Variants in ABCA3 observed in about 807,000 individuals in gnomAD.
ABCA3 encodes ATP binding cassette subfamily A member 3, also known as phospholipid-transporting ATPase ABCA3.
ABCA3 carries 88 observed loss-of-function variants against 172.8 expected under a neutral mutation model. The observed-to-expected ratio is 0.51, with a 90% CI of 0.43 to 0.61. The LOEUF (loss-of-function observed/expected upper bound fraction) is 0.61, where lower values mean the gene tolerates loss of function less well. Among genes scored for constraint, ABCA3 ranks in the 20% least tolerant of loss-of-function variants. The probability of loss-of-function intolerance (pLI) is 0.00; values close to 1 mark genes in which losing one functional copy is unlikely to be tolerated. For missense variants in ABCA3, 2,164 were observed against 2,301.0 expected, an observed-to-expected ratio of 0.94 and a Z score of 1.22; for synonymous variants, 1,066 against 983.8, an observed-to-expected ratio of 1.08 and a Z score of -1.56.
At position 2,322,067 on chromosome 16, in the gene ABCA3, G is replaced by A. The variant is rs28627247; in HGVS notation, c.613+1456C>T. On this transcript the variant is annotated intron_variant, in intron 7 of 32. Transcript: ENST00000301732. ...ACAAAAATTAGCTGGGCGTGGTGGT[G>A]TGCGCCTGTAATCCCAGCTACTTGG... is the stretch of plus-strand genomic sequence containing the variant. Among the ~76,000 whole-genome samples the A allele has an allele frequency of 5.4e-3, 822 of 152,082 alleles. 7 individuals are homozygous for A. The highest frequency in any genetic ancestry group is 0.019 in the African/African-American group (783 of 41,488).
intron 19 of ABCA3, among the ~76,000 whole-genome samples, chr16:2,290,413 A>C (rs111369591): frequency 7.9e-5 from 12 of 152,202 alleles, no homozygotes; most frequent in African/African-American, 2.2e-4. Flanking sequence ...AGGAGCTCAG[A>C]GAGGCCAGGG....
rs368234990 is a variant in ABCA3 at position 2,323,557 on chromosome 16, T to C, written c.579A>G (p.Pro193=). The change falls in exon 7 of 33, where the codon CCA becomes CCG. Residue 193 remains proline (P), a synonymous_variant. Transcript: ENST00000301732. ...CGCCATCAGGGGATGTAGGTTCCCT[T>C]GGTCCTGGGTTTGGGAAAAGCGGGA... ...SLFPLFPNPG[P]REPTSPDGGE... 2.5e-6 allele frequency: 4 copies of C among 1,614,024 alleles called. No homozygotes were observed. Among genetic ancestry groups the C allele is most frequent in the Non-Finnish European group, 2.5e-6 (3 of 1,180,028 alleles).
At chr16:2,282,155 C>T (rs924210605) in intron 26 of ABCA3, among the ~76,000 whole-genome samples, 2 of 152,180 alleles carry the variant, frequency 1.3e-5, no homozygotes, top group African/African-American at 2.4e-5. Flanking sequence ...GGCTGGGATG[C>T]AATGGTGTAA....
Position 2,302,650 on chromosome 16 carries a change from A to T in ABCA3, c.1467+1319T>A, listed in dbSNP as rs912600535. 3.2e-4 allele frequency among the ~76,000 whole-genome samples: 48 copies of T among 151,624 alleles called. No homozygotes were observed. In the East Asian group the frequency reaches 9.1e-3, roughly 29 times the overall value. The stretch of plus-strand genomic sequence containing the variant: ...ATGTGCCGCCTGGCTAATTTTTTAA[A>T]TTTTTTATTTATTTTGTAGAGATGG... On this transcript the variant is annotated intron_variant, in intron 12 of 32. Transcript: ENST00000301732.
rs750303167 is a variant in ABCA3, at chr16:2,297,721, G to T, written c.2052+45C>A. The T allele has an allele frequency of 1.2e-6, 2 of 1,604,454 alleles. No individual in the cohort carries two copies. Among genetic ancestry groups the T allele is most frequent in the East Asian group, 4.5e-5 (2 of 44,818 alleles). On this transcript the variant is annotated intron_variant, in intron 16 of 32. Coordinates refer to ENST00000301732, the MANE Select transcript of ABCA3 (RefSeq NM_001089.3). The surrounding 1 kb of genome is among the most constrained non-coding windows in gnomAD (Gnocchi z 5.6). ...GGCCATGGCGGAAGGGCCATCCCAG[G>T]TCGAGCAGGAGGGGAACCCACTGCC...
At chr16:2,337,798 A>T (rs1359873684) in intron 1 of ABCA3, among the ~76,000 whole-genome samples, 1 of 152,224 alleles carries the variant, frequency 6.6e-6, no homozygotes, top group Non-Finnish European at 1.5e-5. Flanking sequence ...TGGCACTGGC[A>T]TCGCAGGCCC....
In ABCA3 at chr16:2,317,791, G is replaced by A. The variant is rs556169763; in HGVS notation, c.874-27C>T. 5.0e-6 allele frequency: 8 copies of A among 1,606,618 alleles called. No homozygotes were observed. In the African/African-American group the frequency reaches 6.7e-5, roughly 13 times the overall value. ...TGGGGAGAGAAGCCATCACGCTGCT[G>A]GGGGCCCGTCACTGCCCGCCATGAT... is the stretch of plus-strand genomic sequence containing the variant. On this transcript the variant is annotated intron_variant, in intron 8 of 32. Transcript: ENST00000301732.
At chr16:2,304,777 G>A (rs1159181515) in intron 11 of ABCA3, among the ~76,000 whole-genome samples, 28 of 150,702 alleles carry the variant, frequency 1.9e-4, no homozygotes, top group Admixed American at 1.7e-3. Flanking sequence ...CCGGGTTCAC[G>A]CCATTCTCCT....
intron 18 of ABCA3, 80 bp from the exon 19 acceptor site, chr16:2,292,318 G>A (rs575069897): frequency 2.3e-5 from 29 of 1,278,090 alleles, no homozygotes; most frequent in African/African-American, 2.9e-5. Flanking sequence ...ACCCCCCCTC[G>A]GCCAGGCACA....
In ABCA3 at chr16:2,286,856, T is replaced by C. The variant is rs1567339116; in HGVS notation, c.3116A>G (p.Asn1039Ser). ...FRDVGERTVV[N>S]ALFNNQAYHS... The stretch of plus-strand genomic sequence containing the variant: ...GTACGCCTGGTTGTTGAACAAGGCG[T>C]TGACGACCGTGCGCTCTCCCACATC... Residue 1039 changes from asparagine to serine, a missense_variant, in exon 22 of 33, where the codon AAC becomes AGC. Physicochemically the swap from Asn to Ser is conservative, Grantham distance 46 (BLOSUM62 1). Coordinates refer to ENST00000301732, the MANE Select transcript of ABCA3 (RefSeq NM_001089.3). The surrounding 1 kb of genome is among the most constrained non-coding windows in gnomAD (Gnocchi z 5.2). 1 of 1,614,048 alleles carries C rather than the reference T, an allele frequency of 6.2e-7. No homozygotes were observed. The highest frequency in any genetic ancestry group is 1.7e-5 in the Admixed American group (1 of 60,016).
Position 2,285,018 on chromosome 16 carries a change from C to T in ABCA3, c.3484-20G>A, listed in dbSNP as rs751657200. The stretch of plus-strand genomic sequence containing the variant: ...CACCACCTGCGGCGGCACAGGGAGG[C>T]GCTGCTGTGCATGCCAAGCTGAGAG... On this transcript the variant is annotated intron_variant, in intron 23 of 32. Transcript: ENST00000301732. This position sits in a 1 kb window ranked among gnomAD's most constrained non-coding sequence, Gnocchi z 4.7. 1.1e-5 allele frequency: 17 copies of T among 1,608,702 alleles called. No homozygotes were observed. The highest frequency in any genetic ancestry group is 1.7e-5 in the Admixed American group (1 of 59,466).
rs901788737 is a variant in ABCA3, at chr16:2,286,307, G to A, written c.3278+387C>T. 3.9e-4 allele frequency among the ~76,000 whole-genome samples: 60 copies of A among 152,322 alleles called. No homozygotes were observed. The highest frequency in any genetic ancestry group is 1.4e-3 in the African/African-American group (58 of 41,564). On this transcript the variant is annotated intron_variant, in intron 22 of 32. Transcript: ENST00000301732. This position sits in a 1 kb window ranked among gnomAD's most constrained non-coding sequence, Gnocchi z 5.2. ...GTGCGGCCATCTGAGGAACAGGGACGGCAGTTCTTGCCAAGTCCTGCTCTG... is the reference window on the plus strand; with the variant it reads ...GTGCGGCCATCTGAGGAACAGGGACAGCAGTTCTTGCCAAGTCCTGCTCTG...
chr16:2,333,837 C>T (rs549696913), intron 1 of ABCA3, among the ~76,000 whole-genome samples: 3 of 152,000 alleles, frequency 2.0e-5, no homozygotes, highest in South Asian at 2.1e-4. Context: ...TACAGGCGTG[C>T]GCCACCATGC....
intron 10 of ABCA3, among the ~76,000 whole-genome samples, chr16:2,311,146 G>T (rs1219528811): frequency 6.6e-6 from 1 of 151,784 alleles, no homozygotes; most frequent in African/African-American, 2.4e-5. Context: ...GCTAATTTTT[G>T]TATTTTTAGT....
intron 17 of ABCA3, 114 bp from the exon 18 acceptor site, chr16:2,295,854 A>C: frequency 1.4e-6 from 2 of 1,426,512 alleles, no homozygotes; most frequent in Non-Finnish European, 1.9e-6. Flanking sequence ...AGGCTAGAGA[A>C]CCGGAGGTGG....
intron 26 of ABCA3, among the ~76,000 whole-genome samples, chr16:2,282,207 C>G (rs898550203): frequency 6.6e-6 from 1 of 152,224 alleles, no homozygotes; most frequent in African/African-American, 2.4e-5. Flanking sequence ...CTTAAGCCTC[C>G]TGTCTCAGCT....
intron 7 of ABCA3, among the ~76,000 whole-genome samples, chr16:2,321,691 A>G (rs1381006171): frequency 6.6e-6 from 1 of 152,082 alleles, no homozygotes; most frequent in Admixed American, 6.6e-5. Flanking sequence ...ACACGTACCA[A>G]CCACCTGCCC....
Position 2,278,144 on chromosome 16 carries a change from C to T in ABCA3, c.4719-75G>A, listed in dbSNP as rs759034095. The stretch of plus-strand genomic sequence containing the variant: ...TGCAGACAGGAAGGCATTGGCTCTC[C>T]GATCAGGCTGTTCCTGATACCCATG... On this transcript the variant is annotated intron_variant, in intron 30 of 32. Coordinates refer to ENST00000301732, the MANE Select transcript of ABCA3 (RefSeq NM_001089.3). The surrounding 1 kb of genome is among the most constrained non-coding windows in gnomAD (Gnocchi z 4.4). 78 of 1,602,488 alleles carry T rather than the reference C, an allele frequency of 4.9e-5. No individual in the cohort carries two copies. The East Asian group carries it at 6.7e-4, about 14-fold the overall frequency.
chr16:2,319,694 G>A lies in ABCA3; in HGVS notation c.760C>T (p.Pro254Ser), dbSNP rs1810722941. 6.2e-7 allele frequency: 1 copy of A among 1,613,914 alleles called. No homozygotes were observed. Among genetic ancestry groups the A allele is most frequent in the Non-Finnish European group, 8.5e-7 (1 of 1,180,022 alleles). ...RFPYPPFIAD[P>S]FLVAIQYQLP... ...TGGTACTGGATGGCCACGAGGAAGG[G>A]GTCTGCGATGAACGGCGGGTACGGG... The change falls in exon 8 of 33, where the codon CCC (proline) becomes TCC (serine). Residue 254 changes from proline (P) to serine (S), a missense_variant. Physicochemically the swap from Pro to Ser is moderately conservative, Grantham distance 74 (BLOSUM62 -1). This residue lies in a region of ABCA3 where 1,343 missense variants were observed against 1,369.6 expected (regional missense o/e 0.98). Coordinates refer to ENST00000301732, the MANE Select transcript of ABCA3 (RefSeq NM_001089.3).
Sources: allele counts gnomAD v4.1 joint callset (sites outside exome capture counted in the v4.1 genomes callset), GRCh38; gene constraint gnomAD v4.1.1; regional missense constraint gnomAD v4.1.1; non-coding constraint Gnocchi (gnomAD v3.1); transcripts MANE v1.5; gene names NCBI Gene and HGNC (gene_info 2026-07-23, HGNC 2026-07-21).